PHRF1: variants seen among roughly 807,000 people sequenced by gnomAD.
PHRF1 encodes PHD and ring finger domains 1, also known as PHD and RING finger domain-containing protein 1.
A neutral mutation model predicts 128.9 loss-of-function variants in PHRF1; 53 were observed. The ratio of observed to expected loss-of-function variants is 0.41; its 90% CI spans 0.33 to 0.52. PHRF1 has a LOEUF of 0.52. Among genes scored for constraint, PHRF1 ranks in the 20% least tolerant of loss-of-function variants. The pLI is 0.21. For missense variants in PHRF1, 2,503 were observed against 2,284.5 expected (o/e 1.10, Z -1.95); for synonymous variants, 1,178 against 980.6 (o/e 1.20, Z -3.76).
chr11:609,488 A>C lies in PHRF1; in HGVS notation c.4032A>C (p.Pro1344=). 1 of 1,605,108 alleles carries C rather than the reference A, an allele frequency of 6.2e-7. No homozygotes were observed. The highest frequency in any genetic ancestry group is 8.5e-7 in the Non-Finnish European group (1 of 1,179,232). Residue 1344 remains proline (P), a synonymous_variant, in exon 14 of 18, where the codon CCA becomes CCC. Coordinates refer to ENST00000264555, the MANE Select transcript of PHRF1 (RefSeq NM_001286581.2). ...CCCTGCCAGAGGGCACCCAGGAGCC[A>C]CATTTGCTCAGGCCGGACGCGGCTG... ...PPPLPEGTQE[P]HLLRPDAAEK...
chr11:609,566 C>T lies in PHRF1; in HGVS notation c.4110C>T (p.Asp1370=). 6.3e-6 allele frequency: 10 copies of T among 1,599,720 alleles called. No homozygotes were observed. The highest frequency in any genetic ancestry group is 1.1e-5 in the South Asian group (1 of 89,104). The change falls in exon 14 of 18, where the codon GAC becomes GAT. Residue 1370 remains aspartate, a synonymous_variant. Coordinates refer to ENST00000264555, the MANE Select transcript of PHRF1 (RefSeq NM_001286581.2). ...ATGTGGCGCCTGCGGGGAAGGAAGA[C>T]AGCCCCTCTGCGAGTGGGAGGGTAC... ...SPDVAPAGKE[D]SPSASGRVQE... is the part of the protein sequence containing the mutation.
At position 608,781 on chromosome 11, in the gene PHRF1, A is replaced by C. The variant is rs374278147; in HGVS notation, c.3325A>C (p.Lys1109Gln). 2 of 1,611,708 alleles carry C rather than the reference A, an allele frequency of 1.2e-6. No individual in the cohort carries two copies. Among genetic ancestry groups the C allele is most frequent in the Non-Finnish European group, 1.7e-6 (2 of 1,179,694 alleles). ...SSYEHYESRK[K>Q]KKRRSASRPR... ...CTATGAGCACTATGAGAGTAGGAAG[A>C]AGAAGAAAAGGAGATCAGCGTCCAG... Residue 1109 changes from lysine (K) to glutamine (Q), a missense_variant, in exon 14 of 18, where the codon AAG becomes CAG. Transcript: ENST00000264555.
At chr11:593,949 C>T (rs905961696) in intron 6 of PHRF1, among the ~76,000 whole-genome samples, 2 of 152,216 alleles carry the variant, frequency 1.3e-5, no homozygotes, top group Non-Finnish European at 2.9e-5. Flanking sequence ...GGAGCGTCTG[C>T]TGCCAGTTGC....
intron 1 of PHRF1, among the ~76,000 whole-genome samples, chr11:578,172 A>G (rs1458506136): frequency 1.3e-5 from 2 of 152,162 alleles, no homozygotes; most frequent in African/African-American, 4.8e-5. Context: ...TCCTAACTAC[A>G]GGTCCTGGTG....
chr11:590,609 A>G (rs1024704139), intron 4 of PHRF1, among the ~76,000 whole-genome samples: 2 of 152,240 alleles, frequency 1.3e-5, no homozygotes, highest in East Asian at 1.9e-4. Flanking sequence ...GTGTACCTTA[A>G]TAAAGCCAAC....
At chr11:592,721 C>G (rs201056875) in intron 6 of PHRF1, 47 bp downstream of exon 6, 1 of 1,588,342 alleles carries the variant, frequency 6.3e-7, no homozygotes, top group Admixed American at 1.7e-5. Flanking sequence ...GCGTGCAAGG[C>G]GGGCCAGGCG....
At chr11:602,088 G>C (rs1855658356) in intron 10 of PHRF1, among the ~76,000 whole-genome samples, 1 of 151,914 alleles carries the variant, frequency 6.6e-6, no homozygotes, top group Non-Finnish European at 1.5e-5. Flanking sequence ...GCCTGGCTCT[G>C]AGGAGTGACA....
At position 606,952 on chromosome 11, in the gene PHRF1, A is replaced by G. The variant is rs547252893; in HGVS notation, c.1610-114A>G. On this transcript the variant is annotated intron_variant, in intron 13 of 17. Coordinates refer to ENST00000264555, the MANE Select transcript of PHRF1 (RefSeq NM_001286581.2). ...GCGAGGTGTCCACCTCAACAGGCAG[A>G]CAGGAGTTTAAAGCGCACGACCTCA... 695 of 1,468,800 alleles carry G rather than the reference A, an allele frequency of 4.7e-4. 1 individual carries two copies. The highest frequency in any genetic ancestry group is 5.9e-4 in the Non-Finnish European group (653 of 1,102,610). The allele number at this position is 1,468,800 out of a possible 1,614,324, so 91.0% of individuals were successfully genotyped here. A position where few individuals can be genotyped will look rare whatever the true frequency, so the allele number is the denominator to read the frequency against.
rs764920675 is a variant in PHRF1 at position 581,954 on chromosome 11, G to T, written c.95-8G>T. The stretch of plus-strand genomic sequence containing the variant: ...GCCCTGCGGCCTGTGTCTCACCCTG[G>T]TGTCTAGAAGAAAGCAGCGTGGGCA... On this transcript the variant is annotated splice_region_variant and splice_polypyrimidine_tract_variant and intron_variant, in intron 2 of 17. Coordinates refer to ENST00000264555, the MANE Select transcript of PHRF1 (RefSeq NM_001286581.2). The T allele has an allele frequency of 4.4e-6, 7 of 1,586,962 alleles. No homozygotes were observed. Among genetic ancestry groups the T allele is most frequent in the Non-Finnish European group, 6.0e-6 (7 of 1,167,522 alleles).
chr11:582,135 G>C (rs1174342297), intron 3 of PHRF1, 54 bp downstream of exon 3: 1 of 1,550,370 alleles, frequency 6.5e-7, no homozygotes, highest in African/African-American at 1.4e-5. Flanking sequence ...TCGTGATGGG[G>C]ACAGCCTTTT....
At chr11:594,634 G>T (rs533560029) in intron 6 of PHRF1, among the ~76,000 whole-genome samples, 54 of 152,216 alleles carry the variant, frequency 3.5e-4, no homozygotes, top group African/African-American at 1.2e-3. Context: ...GCTAATTTTT[G>T]TATTTTATGG....
intron 3 of PHRF1, among the ~76,000 whole-genome samples, chr11:583,769 C>T (rs1179451870): frequency 6.6e-6 from 1 of 152,168 alleles, no homozygotes; most frequent in African/African-American, 2.4e-5. Context: ...GTGGGGTGCG[C>T]TGGTGGTACC....
At chr11:601,753 C>T (rs1027140313) in intron 10 of PHRF1, 52 bp downstream of exon 10, 54 of 1,608,338 alleles carry the variant, frequency 3.4e-5, no homozygotes, top group Admixed American at 1.7e-4. Flanking sequence ...AGCACCCTCG[C>T]GTGGTTACGG....
intron 6 of PHRF1, among the ~76,000 whole-genome samples, chr11:595,152 G>A (rs1037855780): frequency 2.6e-5 from 4 of 152,062 alleles, no homozygotes; most frequent in South Asian, 2.1e-4. Flanking sequence ...GCGAAACCCC[G>A]TCTCTACTAA....
At position 587,304 on chromosome 11, in the gene PHRF1, C is replaced by T. The variant is rs566767012; in HGVS notation, c.260C>T (p.Ala87Val). The T allele has an allele frequency of 1.5e-5, 25 of 1,613,620 alleles. No individual in the cohort carries two copies. Among genetic ancestry groups the T allele is most frequent in the Middle Eastern group, 1.7e-4 (1 of 5,992 alleles). ...EDDGETLLEVAGTQGKLEAAG... is the reference protein window; with the variant it reads ...EDDGETLLEVVGTQGKLEAAG... ...GACGGGGAGACATTGCTGGAGGTAG[C>T]GGGTACTCAGGGGAAACTGGAAGCC... Residue 87 changes from alanine (A) to valine (V), a missense_variant, in exon 4 of 18, where the codon GCG (alanine) becomes GTG (valine). By Grantham distance (64) the Ala-to-Val change is moderately conservative (BLOSUM62 0). Coordinates refer to ENST00000264555, the MANE Select transcript of PHRF1 (RefSeq NM_001286581.2).
chr11:588,625 C>A (rs1334755954), intron 4 of PHRF1, among the ~76,000 whole-genome samples: 1 of 152,006 alleles, frequency 6.6e-6, no homozygotes, highest in Non-Finnish European at 1.5e-5. Context: ...GTGATCCACC[C>A]GTCTCGGCCT....
intron 1 of PHRF1, among the ~76,000 whole-genome samples, chr11:579,963 T>C (rs1338590987): frequency 1.3e-5 from 2 of 152,190 alleles, no homozygotes; most frequent in African/African-American, 4.8e-5. Flanking sequence ...ACAGCCACTT[T>C]CCCCCGTTGC....
rs780722310 is a variant in PHRF1, at chr11:606,544, C to T, written c.1557C>T (p.Gly519=). 3.0e-5 allele frequency: 49 copies of T among 1,610,534 alleles called. No individual in the cohort carries two copies. Among genetic ancestry groups the T allele is most frequent in the African/African-American group, 5.3e-5 (4 of 74,946 alleles). ...CGGGCCAGAGCCTCCTGATGCTGGG[C>T]AGCAGTGATGTCATCATCCACCGCG... ...ILSGQSLLML[G]SSDVIIHRDG... Residue 519 remains glycine (G), a synonymous_variant, in exon 13 of 18, where the codon GGC becomes GGT. Coordinates refer to ENST00000264555, the MANE Select transcript of PHRF1 (RefSeq NM_001286581.2).
intron 14 of PHRF1, 97 bp downstream of exon 14, chr11:609,817 C>T (rs1367513011): frequency 3.7e-6 from 3 of 818,520 alleles, no homozygotes; most frequent in Admixed American, 3.3e-5. Flanking sequence ...AAGGCCCCGG[C>T]CTCCACCGAG....
Sources: allele counts gnomAD v4.1 joint callset (sites outside exome capture counted in the v4.1 genomes callset), GRCh38; gene constraint gnomAD v4.1.1; transcripts MANE v1.5; gene names NCBI Gene and HGNC (gene_info 2026-07-23, HGNC 2026-07-21).